The following KLHL3 variants were observed in gnomAD, a reference collection of about 807,000 sequenced individuals.
KLHL3 encodes the protein kelch like family member 3.
In KLHL3, 19 loss-of-function variants were observed where a neutral mutation model predicts 70.5. That is an observed-to-expected ratio of 0.27 (90% CI 0.19 to 0.40). KLHL3 has a LOEUF of 0.40. KLHL3 is among the 10% of genes least tolerant of loss of function. The probability of loss-of-function intolerance (pLI) is 1.00; values close to 1 mark genes in which losing one functional copy is unlikely to be tolerated. For missense variants in KLHL3, 512 were observed against 771.1 expected, an observed-to-expected ratio of 0.66 and a Z score of 3.98; for synonymous variants, 258 against 290.3, an observed-to-expected ratio of 0.89 and a Z score of 1.13.
At chr5:137,656,679 T>C (rs989193137) in intron 8 of KLHL3, among the ~76,000 whole-genome samples, 6 of 152,272 alleles carry the variant, frequency 3.9e-5, no homozygotes, top group African/African-American at 1.4e-4. Context: ...GTAAGACCAA[T>C]GTCCAGCCAG....
intron 14 of KLHL3, among the ~76,000 whole-genome samples, chr5:137,625,551 A>C (rs1419519934): frequency 6.6e-6 from 1 of 152,208 alleles, no homozygotes; most frequent in Non-Finnish European, 1.5e-5. Context: ...GCAGGGGTTA[A>C]TAAGTGCTAA....
chr5:137,640,137 G>A (rs1195910795), intron 8 of KLHL3, among the ~76,000 whole-genome samples, 160 bp from the exon 9 acceptor site: 1 of 152,210 alleles, frequency 6.6e-6, no homozygotes, highest in African/African-American at 2.4e-5. Flanking sequence ...GTCACCAACA[G>A]GTATGAGTAT....
At chr5:137,679,930 G>A (rs1751982397) in intron 5 of KLHL3, among the ~76,000 whole-genome samples, 1 of 152,254 alleles carries the variant, frequency 6.6e-6, no homozygotes, top group South Asian at 2.1e-4. Flanking sequence ...GACAAAGAAA[G>A]CAATCAAAGA....
chr5:137,691,210 A>AT (rs1752312992), intron 5 of KLHL3, among the ~76,000 whole-genome samples: 1 of 152,252 alleles, frequency 6.6e-6, no homozygotes, highest in Non-Finnish European at 1.5e-5. Context: ...ACCATACACT[A>AT]TGCAAGAGAA....
At chr5:137,628,074 A>C in intron 13 of KLHL3, 2 of 559,790 alleles carry the variant, frequency 3.6e-6, no homozygotes, top group Non-Finnish European at 6.4e-6. Flanking sequence ...ACTGCGGGGA[A>C]AGGGGATCCT....
chr5:137,720,039 C>A (rs1017125723), intron 2 of KLHL3, among the ~76,000 whole-genome samples: 1 of 152,142 alleles, frequency 6.6e-6, no homozygotes, highest in Non-Finnish European at 1.5e-5. Flanking sequence ...CGGTGGCTCA[C>A]GCCTGTAATC....
chr5:137,647,764 G>A, intron 8 of KLHL3: 1 of 365,182 alleles, frequency 2.7e-6, no homozygotes, highest in Non-Finnish European at 5.7e-6. Flanking sequence ...CAGAGAAAAT[G>A]GGGGTCTGAG....
intron 4 of KLHL3, among the ~76,000 whole-genome samples, chr5:137,693,596 A>C (rs1401930463): frequency 6.6e-6 from 1 of 152,118 alleles, no homozygotes; most frequent in Non-Finnish European, 1.5e-5. Context: ...GTAGTCTGAG[A>C]ATGATTTTCC....
intron 13 of KLHL3, among the ~76,000 whole-genome samples, chr5:137,627,790 C>T (rs1750514808): frequency 2.0e-5 from 3 of 152,272 alleles, no homozygotes; most frequent in Admixed American, 6.5e-5. Flanking sequence ...AAAGCAAAGA[C>T]AGGAATACAA....
intron 8 of KLHL3, among the ~76,000 whole-genome samples, chr5:137,645,553 C>T (rs1751021900): frequency 6.6e-6 from 1 of 151,400 alleles, no homozygotes; most frequent in African/African-American, 2.4e-5. Flanking sequence ...AACTCATTAA[C>T]AATAGCTACA....
chr5:137,708,203 G>C (rs1752722137), intron 3 of KLHL3, among the ~76,000 whole-genome samples: 1 of 152,136 alleles, frequency 6.6e-6, no homozygotes, highest in Admixed American at 6.5e-5. Flanking sequence ...ACTTAGCAGA[G>C]GCACCACTCC....
At chr5:137,702,149 C>A (rs148564245) in intron 3 of KLHL3, among the ~76,000 whole-genome samples, 393 of 152,310 alleles carry the variant, frequency 2.6e-3, no homozygotes, top group African/African-American at 8.6e-3. Flanking sequence ...AGAAAACCAA[C>A]AACTGCAAAA....
intron 6 of KLHL3, among the ~76,000 whole-genome samples, chr5:137,671,192 G>A (rs909148621): frequency 6.6e-6 from 1 of 151,972 alleles, no homozygotes; most frequent in Admixed American, 6.6e-5. Context: ...CCCCAGGTAC[G>A]AGCTATTCCA....
intron 3 of KLHL3, among the ~76,000 whole-genome samples, chr5:137,702,784 G>C (rs993212001): frequency 8.5e-5 from 13 of 152,176 alleles, no homozygotes; most frequent in African/African-American, 2.9e-4. Context: ...CTTTAAATAC[G>C]TAGACCATTA....
chr5:137,712,975 C>T (rs1398381978), intron 2 of KLHL3, among the ~76,000 whole-genome samples: 1 of 151,570 alleles, frequency 6.6e-6, no homozygotes, highest in African/African-American at 2.4e-5. Context: ...CACTTTTCCT[C>T]CATATCTTCT....
chr5:137,691,672 G>A (rs971157729), intron 5 of KLHL3, among the ~76,000 whole-genome samples: 14 of 150,906 alleles, frequency 9.3e-5, no homozygotes, highest in South Asian at 2.1e-4. Context: ...GTGCAGTGGC[G>A]AAATCTCGGC....
intron 6 of KLHL3, among the ~76,000 whole-genome samples, chr5:137,671,400 G>A (rs1331674414): frequency 1.3e-5 from 2 of 151,968 alleles, no homozygotes; most frequent in Non-Finnish European, 2.9e-5. Context: ...TCTTGGCCAC[G>A]TACTATGGAC....
rs1023370167 is a variant in KLHL3, at chr5:137,618,183, A to T, written c.*3915T>A. ...CTAAATAGTGCAAACGCTTAAAAAA[A>T]TTACATTCTAACCTCCTTGCTTCTC... On this transcript the variant is annotated 3_prime_UTR_variant, in exon 15 of 15. Transcript: ENST00000309755. 2 of 152,624 alleles carry T rather than the reference A, an allele frequency of 1.3e-5. No homozygotes were observed. The highest frequency in any genetic ancestry group is 2.9e-5 in the Non-Finnish European group (2 of 68,048). 9.5% of individuals were successfully genotyped at this position (152,624 alleles called of 1,614,324 possible).
At chr5:137,695,317 T>C (rs1752420841) in intron 4 of KLHL3, among the ~76,000 whole-genome samples, 1 of 152,174 alleles carries the variant, frequency 6.6e-6, no homozygotes, top group African/African-American at 2.4e-5. Flanking sequence ...CTTATCCTGT[T>C]TGAGTCCACT....
Sources: allele counts gnomAD v4.1 joint callset (sites outside exome capture counted in the v4.1 genomes callset), GRCh38; gene constraint gnomAD v4.1.1; transcripts MANE v1.5; gene names NCBI Gene and HGNC (gene_info 2026-07-23, HGNC 2026-07-21).